CMTR1: variants seen among roughly 807,000 people sequenced by gnomAD.
The protein encoded by CMTR1 is cap methyltransferase 1.
Under a neutral mutation model 107.0 loss-of-function variants are expected in CMTR1, and 39 were observed. The ratio of observed to expected loss-of-function variants is 0.36; its 90% CI spans 0.28 to 0.48. CMTR1 has a LOEUF of 0.48. Ranked by LOEUF, CMTR1 falls within the 20% of genes least tolerant of loss-of-function variation. The pLI is 0.99. For synonymous variants in CMTR1, 366 were observed against 379.5 expected, an observed-to-expected ratio of 0.96 and a Z score of 0.41; for missense variants, 672 against 1,064.9, an observed-to-expected ratio of 0.63 and a Z score of 5.14.
At chr6:37,470,013 A>G (rs144993682) in intron 13 of CMTR1, among the ~76,000 whole-genome samples, 144 of 150,596 alleles carry the variant, frequency 9.6e-4, no homozygotes, top group African/African-American at 3.3e-3. Context: ...TTCCTCTACT[A>G]TGTTCAGTCT....
chr6:37,471,551 T>A (rs1761625758), intron 14 of CMTR1, among the ~76,000 whole-genome samples: 1 of 152,134 alleles, frequency 6.6e-6, no homozygotes. Context: ...TGATGGGTGA[T>A]TGAAAAGGGT....
the CMTR1 span, among the ~76,000 whole-genome samples, chr6:37,426,060 C>T: frequency 6.6e-6 from 1 of 152,142 alleles, no homozygotes; most frequent in East Asian, 1.9e-4. Context: ...TCAAATCCAA[C>T]TTTGAATACT....
chr6:37,475,261 T>TA (rs1369469948), intron 18 of CMTR1, 60 bp from the exon 19 acceptor site: 1 of 1,298,358 alleles, frequency 7.7e-7, no homozygotes, highest in Non-Finnish European at 1.1e-6. Flanking sequence ...CCATGGTGGG[T>TA]AGTGGGGGCT....
Position 37,462,934 on chromosome 6 carries a change from C to T in CMTR1, c.1431C>T (p.Val477=). ...LNQLRNTDSD[V]NLVVPLEVIK... is the part of the protein sequence containing the mutation. ...AGCTGCGGAACACGGATTCCGACGT[C>T]AACTTGGTGGTCCCCCTGGAGGTGA... The change falls in exon 13 of 24, where the codon GTC becomes GTT. Residue 477 remains valine, a synonymous_variant. Coordinates refer to ENST00000373451, the MANE Select transcript of CMTR1 (RefSeq NM_015050.3). 1 of 1,614,166 alleles carries T rather than the reference C, an allele frequency of 6.2e-7. No homozygotes were observed. The highest frequency in any genetic ancestry group is 1.1e-5 in the South Asian group (1 of 91,074).
At chr6:37,462,426 A>G (rs565177550) in intron 12 of CMTR1, among the ~76,000 whole-genome samples, 11 of 152,348 alleles carry the variant, frequency 7.2e-5, no homozygotes, top group South Asian at 6.2e-4. Flanking sequence ...CAGAGGCACT[A>G]CTGGGGTCCC....
chr6:37,478,594 C>G, intron 22 of CMTR1, 73 bp downstream of exon 22: 3 of 1,232,286 alleles, frequency 2.4e-6, no homozygotes, highest in Non-Finnish European at 3.6e-6. Flanking sequence ...GGTCCAGACC[C>G]TACCTGAGCC....
intron 10 of CMTR1, among the ~76,000 whole-genome samples, chr6:37,460,687 A>G (rs1761385268): frequency 6.6e-6 from 1 of 152,200 alleles, no homozygotes; most frequent in African/African-American, 2.4e-5. Flanking sequence ...AATAGAGGGC[A>G]GCGTCCTTTT....
chr6:37,464,158 T>G (rs1270562888), intron 13 of CMTR1, among the ~76,000 whole-genome samples: 1 of 152,170 alleles, frequency 6.6e-6, no homozygotes, highest in Non-Finnish European at 1.5e-5. Flanking sequence ...CCTTGTAGCC[T>G]ACATCCCTAT....
At chr6:37,473,855 A>G (rs1411982911) in intron 17 of CMTR1, among the ~76,000 whole-genome samples, 1 of 152,124 alleles carries the variant, frequency 6.6e-6, no homozygotes, top group African/African-American at 2.4e-5. Context: ...TTTTCTTGTG[A>G]TACAGAGCTT....
chr6:37,447,766 A>C (rs1771829133), intron 4 of CMTR1, among the ~76,000 whole-genome samples: 1 of 152,130 alleles, frequency 6.6e-6, no homozygotes, highest in Admixed American at 6.6e-5. Flanking sequence ...AGGCTAAGGC[A>C]GGAGAATCAC....
chr6:37,450,974 A>T (rs1761144913), intron 5 of CMTR1, among the ~76,000 whole-genome samples: 2 of 152,220 alleles, frequency 1.3e-5, no homozygotes, highest in South Asian at 4.1e-4. Context: ...GAAAAAGCAA[A>T]GAGGAAAATC....
chr6:37,480,278 G>A lies in CMTR1; in HGVS notation c.*133G>A. On this transcript the variant is annotated 3_prime_UTR_variant, in exon 24 of 24. Transcript: ENST00000373451. ...GCATTGCACCTGGCATGAGGAGTGG[G>A]TGGCCTCCTCTCCATCCCCTGAAGA... The A allele has an allele frequency of 6.8e-7, 1 of 1,470,606 alleles. No individual in the cohort carries two copies. Among genetic ancestry groups the A allele is most frequent in the South Asian group, 1.4e-5 (1 of 71,076 alleles). 91.1% of individuals were successfully genotyped at this position (1,470,606 alleles called of 1,614,324 possible).
chr6:37,463,160 C>A, intron 13 of CMTR1, 152 bp downstream of exon 13: 1 of 785,872 alleles, frequency 1.3e-6, no homozygotes, highest in Non-Finnish European at 2.1e-6. Flanking sequence ...CTCCCTGGGA[C>A]TTTGGTTAGT....
chr6:37,459,183 A>G (rs573140719), intron 9 of CMTR1, among the ~76,000 whole-genome samples: 24 of 152,406 alleles, frequency 1.6e-4, no homozygotes, highest in African/African-American at 5.8e-4. Context: ...TGCAGAATGC[A>G]CTGGGTTGCA....
intron 21 of CMTR1, 106 bp downstream of exon 21, chr6:37,477,745 T>C (rs1393781181): frequency 1.7e-5 from 8 of 463,528 alleles, no homozygotes; most frequent in Non-Finnish European, 3.0e-5. Context: ...CGGGGGGTGG[T>C]GAGCTGCCTC....
At chr6:37,435,111 A>G (rs1771498295) in intron 1 of CMTR1, among the ~76,000 whole-genome samples, 1 of 152,246 alleles carries the variant, frequency 6.6e-6, no homozygotes. Context: ...AACATTATGA[A>G]GTAAACCAAA....
At chr6:37,452,231 C>T (rs938024965) in intron 6 of CMTR1, among the ~76,000 whole-genome samples, 23 of 152,154 alleles carry the variant, frequency 1.5e-4, no homozygotes, top group African/African-American at 5.6e-4. Flanking sequence ...TGCTGTGTGA[C>T]CTTGGCCCGG....
At chr6:37,468,901 T>C (rs1761565137) in intron 13 of CMTR1, among the ~76,000 whole-genome samples, 1 of 144,750 alleles carries the variant, frequency 6.9e-6, no homozygotes, top group Admixed American at 7.0e-5. Flanking sequence ...AATAAATAAA[T>C]AAATAAAAAT....
Position 37,479,214 on chromosome 6 carries a change from C to G in CMTR1, c.2334C>G (p.Asp778Glu). The stretch of plus-strand genomic sequence containing the variant: ...TCTTCTACAACAAGAAAACCAAGGA[C>G]TCTACTTTTGACCTCCCTGCAGACT... Reference protein sequence around the residue: ...KKFFYNKKTKDSTFDLPADSI... With the variant: ...KKFFYNKKTKESTFDLPADSI... Residue 778 changes from aspartate (D) to glutamate (E), a missense_variant, in exon 23 of 24, where the codon GAC becomes GAG. Physicochemically the swap from Asp to Glu is conservative, Grantham distance 45 (BLOSUM62 2). Coordinates refer to ENST00000373451, the MANE Select transcript of CMTR1 (RefSeq NM_015050.3). 1 of 1,614,184 alleles carries G rather than the reference C, an allele frequency of 6.2e-7. No individual in the cohort carries two copies. The highest frequency in any genetic ancestry group is 8.5e-7 in the Non-Finnish European group (1 of 1,179,976).
Sources: gnomAD v4.1 joint callset for allele counts (sites outside exome capture counted in the v4.1 genomes callset) on GRCh38, gnomAD v4.1.1 for gene constraint, MANE v1.5 for transcripts, NCBI Gene and HGNC (gene_info 2026-07-23, HGNC 2026-07-21) for gene names.